RUFY2: variants seen among roughly 807,000 people sequenced by gnomAD.
The protein encoded by RUFY2 is RUN and FYVE domain containing 2.
In RUFY2, 49 loss-of-function variants were observed where a neutral mutation model predicts 94.4. That is an observed-to-expected ratio of 0.52 (90% confidence interval 0.41 to 0.66). RUFY2 has a LOEUF of 0.66. Among genes scored for constraint, RUFY2 ranks in the 30% least tolerant of loss-of-function variants. The probability of loss-of-function intolerance (pLI) is 0.00; values close to 1 mark genes in which losing one functional copy is unlikely to be tolerated. For missense variants in RUFY2, 541 were observed against 692.8 expected (o/e 0.78, Z 2.46); for synonymous variants, 255 against 235.7 (o/e 1.08, Z -0.75).
At chr10:68,403,918 G>C (rs1019347424) in intron 2 of RUFY2, among the ~76,000 whole-genome samples, 2 of 151,384 alleles carry the variant, frequency 1.3e-5, no homozygotes, top group African/African-American at 4.9e-5. Flanking sequence ...TCAGCCTCTC[G>C]AACAGCTGGG....
intron 3 of RUFY2, among the ~76,000 whole-genome samples, chr10:68,398,713 A>G (rs1198287254): frequency 6.6e-6 from 1 of 151,818 alleles, no homozygotes; most frequent in Non-Finnish European, 1.5e-5. Context: ...TTTTTTAAAG[A>G]GAGTGGTATC....
chr10:68,385,362 T>TA (rs2049415340), intron 8 of RUFY2, among the ~76,000 whole-genome samples: 1 of 151,558 alleles, frequency 6.6e-6, no homozygotes, highest in South Asian at 2.1e-4. Flanking sequence ...TGAAAATATA[T>TA]AAGCAATAAT....
intron 1 of RUFY2, chr10:68,406,889 C>T: frequency 6.3e-7 from 1 of 1,592,348 alleles, no homozygotes; most frequent in South Asian, 1.1e-5. Flanking sequence ...CTCCCCGACC[C>T]GGGAGTGACA....
chr10:68,363,305 T>C (rs1368137984), intron 15 of RUFY2, among the ~76,000 whole-genome samples: 1 of 152,072 alleles, frequency 6.6e-6, no homozygotes, highest in Non-Finnish European at 1.5e-5. Flanking sequence ...GCCTCCCGAG[T>C]AGCTGGGATT....
At chr10:68,399,138 G>A (rs2050624267) in intron 3 of RUFY2, among the ~76,000 whole-genome samples, 1 of 152,036 alleles carries the variant, frequency 6.6e-6, no homozygotes, top group East Asian at 1.9e-4. Context: ...CTGCCTCCTG[G>A]GTTCAAGCAA....
At position 68,345,689 on chromosome 10, in the gene RUFY2, G is replaced by A; in HGVS notation, c.*79C>T. On this transcript the variant is annotated 3_prime_UTR_variant, in exon 18 of 18. Coordinates refer to ENST00000602465, the MANE Select transcript of RUFY2 (RefSeq NM_001330103.2). Reference sequence around the variant, plus strand: ...ACTGACCGAAAGCCGCTTAAGGAGAGCTGTCTGGTTACCTTTGTATACAAC... The same window carrying A: ...ACTGACCGAAAGCCGCTTAAGGAGAACTGTCTGGTTACCTTTGTATACAAC... 1 of 1,333,392 alleles carries A rather than the reference G, an allele frequency of 7.5e-7. No homozygotes were observed. The highest frequency in any genetic ancestry group is 1.0e-6 in the Non-Finnish European group (1 of 960,302). 82.6% of individuals were successfully genotyped at this position (1,333,392 alleles called of 1,614,324 possible).
chr10:68,372,356 C>T (rs529361047), intron 13 of RUFY2, among the ~76,000 whole-genome samples: 2 of 152,022 alleles, frequency 1.3e-5, no homozygotes, highest in African/African-American at 2.4e-5. Context: ...GTTATGATCA[C>T]GCCACTACAC....
intron 13 of RUFY2, among the ~76,000 whole-genome samples, chr10:68,367,996 C>T (rs61857320): frequency 0.11 from 15,993 of 148,072 alleles, 1,071 homozygotes; most frequent in South Asian, 0.24. Flanking sequence ...GACGGAGTCT[C>T]GCTCTGTCGC....
In RUFY2 at chr10:68,407,244, T is replaced by C; in HGVS notation, c.-55A>G. The C allele has an allele frequency of 7.8e-7, 1 of 1,287,282 alleles. No homozygotes were observed. Among genetic ancestry groups the C allele is most frequent in the Non-Finnish European group, 9.9e-7 (1 of 1,013,626 alleles). 79.7% of individuals were successfully genotyped at this position (1,287,282 alleles called of 1,614,324 possible). A position where few individuals can be genotyped will look rare whatever the true frequency, so the allele number is the denominator to read the frequency against. The stretch of plus-strand genomic sequence containing the variant: ...AGGCTCCCTCGGCCTGTCCAGCAGC[T>C]CCTTCCAGGCGCTCGGCGGCCACCA... On this transcript the variant is annotated 5_prime_UTR_variant, in exon 1 of 18. Transcript: ENST00000602465.
rs916715164 is a variant in RUFY2 at position 68,376,590 on chromosome 10, A to T, written c.1325+263T>A. The stretch of plus-strand genomic sequence containing the variant: ...ACATAATGACCATCAGATTAATGTT[A>T]AACAACAGAAGAATGAATAAAACTC... On this transcript the variant is annotated intron_variant, in intron 13 of 17. Transcript: ENST00000602465. 2.0e-5 allele frequency among the ~76,000 whole-genome samples: 3 copies of T among 149,610 alleles called. No individual in the cohort carries two copies. The Admixed American group carries it at 2.0e-4, about 10-fold the overall frequency.
At chr10:68,378,539 G>A (rs1362426764) in intron 12 of RUFY2, 8 of 1,527,696 alleles carry the variant, frequency 5.2e-6, no homozygotes, top group Middle Eastern at 3.6e-4. Context: ...TTTTCATTTA[G>A]TCTGTTTAAA....
At chr10:68,343,184 G>A (rs901196650), downstream of RUFY2, 2 of 152,156 alleles carry the variant, frequency 1.3e-5, no homozygotes, top group Non-Finnish European at 2.9e-5. Flanking sequence ...TGTCATTGTG[G>A]GAGATAATAG....
At chr10:68,350,389 C>T (rs766902437) in intron 16 of RUFY2, among the ~76,000 whole-genome samples, 73 of 152,166 alleles carry the variant, frequency 4.8e-4, no homozygotes, top group Admixed American at 1.8e-3. Context: ...TGCAAACAAA[C>T]ATTCAGAGAA....
chr10:68,350,550 A>G (rs1005472865), intron 16 of RUFY2, among the ~76,000 whole-genome samples: 7 of 152,226 alleles, frequency 4.6e-5, no homozygotes, highest in Non-Finnish European at 8.8e-5. Flanking sequence ...TTAAAGACAG[A>G]TGTGAGTAAT....
At chr10:68,341,482 C>A, downstream of RUFY2, 1 of 1,017,084 alleles carries the variant, frequency 9.8e-7, no homozygotes, top group Non-Finnish European at 1.5e-6. Context: ...AATAAGCATA[C>A]TTTGTTTAAT....
chr10:68,376,469 TATATATATATATATATATA>T (rs1205900173), intron 13 of RUFY2, among the ~76,000 whole-genome samples: 643 of 38,454 alleles, frequency 0.017, 85 homozygotes, highest in African/African-American at 0.044. Flanking sequence ...TATATATATA[TATATATATATATATATATA>T]TATTCTCAGA....
intron 16 of RUFY2, among the ~76,000 whole-genome samples, chr10:68,348,331 C>A (rs919646681): frequency 2.6e-5 from 4 of 150,956 alleles, no homozygotes; most frequent in Admixed American, 2.0e-4. Flanking sequence ...CATAGCAAGA[C>A]CCCATCTCTA....
At chr10:68,385,042 T>A (rs1277111786) in intron 8 of RUFY2, among the ~76,000 whole-genome samples, 4 of 152,164 alleles carry the variant, frequency 2.6e-5, no homozygotes, top group Non-Finnish European at 5.9e-5. Flanking sequence ...GGCAGGTGGA[T>A]CACGAGGTCA....
intron 14 of RUFY2, 66 bp downstream of exon 14, chr10:68,363,918 G>T: frequency 7.9e-7 from 1 of 1,260,162 alleles, no homozygotes; most frequent in South Asian, 1.5e-5. Context: ...TGTAAATTAT[G>T]ATTTATCTTT....
Sources: allele counts gnomAD v4.1 joint callset (sites outside exome capture counted in the v4.1 genomes callset), GRCh38; gene constraint gnomAD v4.1.1; transcripts MANE v1.5; gene names NCBI Gene and HGNC (gene_info 2026-07-23, HGNC 2026-07-21).